Variants in RHBDF2 observed in about 807,000 individuals in gnomAD.
RHBDF2 encodes the protein rhomboid 5 homolog 2.
Under a neutral mutation model 95.2 loss-of-function variants are expected in RHBDF2, and 38 were observed. That is an observed-to-expected ratio of 0.40 (90% CI 0.31 to 0.52). RHBDF2 has a LOEUF of 0.52. Among genes scored for constraint, RHBDF2 ranks in the 20% least tolerant of loss-of-function variants. The probability of loss-of-function intolerance (pLI) is 0.56; values close to 1 mark genes in which losing one functional copy is unlikely to be tolerated. For missense variants in RHBDF2, 863 were observed against 1,137.7 expected (o/e 0.76, Z 3.47); for synonymous variants, 442 against 462.0 (o/e 0.96, Z 0.55).
At chr17:76,495,288 G>C (rs938460551) in intron 1 of RHBDF2, among the ~76,000 whole-genome samples, 1 of 152,194 alleles carries the variant, frequency 6.6e-6, no homozygotes, top group Non-Finnish European at 1.5e-5. Flanking sequence ...GTGTGACCAG[G>C]CCATTTCCGT....
At chr17:76,472,643 G>A in intron 18 of RHBDF2, 43 bp downstream of exon 18, 1 of 1,612,224 alleles carries the variant, frequency 6.2e-7, no homozygotes, top group African/African-American at 1.3e-5. Context: ...CAGCAGGGCT[G>A]GCCCCCTATG....
At chr17:76,497,109 T>C (rs2074444863) in intron 1 of RHBDF2, among the ~76,000 whole-genome samples, 1 of 152,144 alleles carries the variant, frequency 6.6e-6, no homozygotes, top group Non-Finnish European at 1.5e-5. Flanking sequence ...GGAGACCCAC[T>C]GGGAGAGGGA....
intron 1 of RHBDF2, among the ~76,000 whole-genome samples, chr17:76,491,192 C>T (rs898103241): frequency 1.3e-5 from 2 of 148,750 alleles, no homozygotes; most frequent in Admixed American, 1.3e-4. Flanking sequence ...TCTAGTGGAC[C>T]TCCCCACTAG....
intron 7 of RHBDF2, 25 bp from the exon 8 acceptor site, chr17:76,477,323 A>T: frequency 6.2e-7 from 1 of 1,607,330 alleles, no homozygotes; most frequent in Non-Finnish European, 8.5e-7. Context: ...AAGAAAATAC[A>T]GTGTAAGGAG....
At position 76,474,359 on chromosome 17, in the gene RHBDF2, G is replaced by C. The variant is rs748556461; in HGVS notation, c.1464+14C>G. ...CAGGGTCTGGCAGGGGTAGGAGGGAGGGCCTGCCCCCACCGAGCAGTCCTT... is the reference window on the plus strand; with the variant it reads ...CAGGGTCTGGCAGGGGTAGGAGGGACGGCCTGCCCCCACCGAGCAGTCCTT... On this transcript the variant is annotated intron_variant, in intron 12 of 18. Coordinates refer to ENST00000675367, the MANE Select transcript of RHBDF2 (RefSeq NM_001005498.4). The C allele has an allele frequency of 2.7e-5, 44 of 1,608,258 alleles. No homozygotes were observed. The highest frequency in any genetic ancestry group is 1.1e-5 in the South Asian group (1 of 90,992).
intron 2 of RHBDF2, among the ~76,000 whole-genome samples, chr17:76,483,381 G>C (rs977561879): frequency 2.6e-5 from 4 of 151,996 alleles, no homozygotes; most frequent in African/African-American, 7.2e-5. Context: ...CACCTCCCAG[G>C]TTCAAGTGAT....
Position 76,471,917 on chromosome 17 carries a change from C to T in RHBDF2, c.2200G>A (p.Gly734Ser). ...ATGTTGTCGATCCAGGGCAGGAGGCCACAGATGAACAGGAAGAGCACGATG... is the reference window on the plus strand; with the variant it reads ...ATGTTGTCGATCCAGGGCAGGAGGCTACAGATGAACAGGAAGAGCACGATG... ...SAIVLFLFIC[G>S]LLPWIDNIAH... Residue 734 changes from glycine to serine, a missense_variant, in exon 19 of 19, where the codon GGC (glycine) becomes AGC (serine). Transcript: ENST00000675367. The T allele has an allele frequency of 6.3e-7, 1 of 1,575,522 alleles. No homozygotes were observed. The highest frequency in any genetic ancestry group is 8.6e-7 in the Non-Finnish European group (1 of 1,160,306).
chr17:76,472,480 G>A lies in RHBDF2; in HGVS notation c.2064+206C>T, dbSNP rs779798810. On this transcript the variant is annotated intron_variant, in intron 18 of 18. Transcript: ENST00000675367. ...TTAGGAAGATAAATGAGGCGGTGGA[G>A]GGACAGGGTGACTCAAGAGCATCAC... 2.1e-5 allele frequency: 14 copies of A among 681,224 alleles called. 1 individual carries two copies. The South Asian group carries it at 2.3e-4, about 11-fold the overall frequency. The allele number at this position is 681,224 out of a possible 1,614,324, so 42.2% of individuals were successfully genotyped here.
chr17:76,480,096 TTTTGG>T (rs1256221097), intron 3 of RHBDF2, among the ~76,000 whole-genome samples: 2 of 71,386 alleles, frequency 2.8e-5, no homozygotes, highest in African/African-American at 6.0e-5. Context: ...TTTTTTTTTT[TTTTGG>T]AGATGGAATC....
chr17:76,474,604 C>G (rs1216774206), intron 11 of RHBDF2, 70 bp from the exon 12 acceptor site: 3 of 1,609,986 alleles, frequency 1.9e-6, no homozygotes, highest in African/African-American at 2.7e-5. Flanking sequence ...ATCACTCCAC[C>G]TCTGCCCCGC....
Position 76,478,868 on chromosome 17 carries a change from G to A in RHBDF2, c.610C>T (p.Pro204Ser), listed in dbSNP as rs1316871500. The change falls in exon 6 of 19, where the codon CCA (proline) becomes TCA (serine). Residue 204 changes from proline to serine, a missense_variant. By Grantham distance (74) the Pro-to-Ser change is moderately conservative (BLOSUM62 -1). Coordinates refer to ENST00000675367, the MANE Select transcript of RHBDF2 (RefSeq NM_001005498.4). ...TSVRSGYSHLPRRKRMSVAHM... is the reference protein window; with the variant it reads ...TSVRSGYSHLSRRKRMSVAHM... Reference sequence around the variant, plus strand: ...GCCACAGACATTCTCTTGCGGCGTGGCAGGTGGGAGTAGCCAGAACGGACA... The same window carrying A: ...GCCACAGACATTCTCTTGCGGCGTGACAGGTGGGAGTAGCCAGAACGGACA... The A allele has an allele frequency of 6.2e-7, 1 of 1,613,564 alleles. No homozygotes were observed. Among genetic ancestry groups the A allele is most frequent in the Non-Finnish European group, 8.5e-7 (1 of 1,179,796 alleles).
intron 3 of RHBDF2, 152 bp from the exon 4 acceptor site, chr17:76,480,006 A>ATTGTGT (rs1567879591): frequency 8.4e-6 from 5 of 598,228 alleles, no homozygotes; most frequent in South Asian, 4.4e-5. Context: ...ATATATATAT[A>ATTGTGT]ATGTGTGTGT....
intron 3 of RHBDF2, among the ~76,000 whole-genome samples, chr17:76,480,934 C>CT (rs1368627811): frequency 6.6e-5 from 10 of 152,210 alleles, no homozygotes; most frequent in Admixed American, 1.3e-4. Context: ...CTAGACCAGA[C>CT]TGTCAGAAAC....
At chr17:76,495,345 A>G (rs543238894) in intron 1 of RHBDF2, among the ~76,000 whole-genome samples, 2 of 152,328 alleles carry the variant, frequency 1.3e-5, no homozygotes, top group South Asian at 2.1e-4. Flanking sequence ...CTGTGCTTAC[A>G]AAGTAGGAGC....
At position 76,478,808 on chromosome 17, in the gene RHBDF2, T is replaced by C; in HGVS notation, c.670A>G (p.Lys224Glu). The C allele has an allele frequency of 6.2e-7, 1 of 1,610,670 alleles. No homozygotes were observed. The highest frequency in any genetic ancestry group is 1.3e-5 in the African/African-American group (1 of 74,840). The part of the protein sequence containing the change: ...MSLQAAAALL[K>E]GRSVLDATGQ... ...CCCTGCAGGAGGGAGCCCCGCACCT[T>C]GAGGAGGGCAGCGGCAGCTTGCAAG... The change falls in exon 6 of 19, where the codon AAG becomes GAG. Residue 224 changes from lysine to glutamate, a missense_variant and splice_region_variant. Coordinates refer to ENST00000675367, the MANE Select transcript of RHBDF2 (RefSeq NM_001005498.4).
intron 1 of RHBDF2, among the ~76,000 whole-genome samples, chr17:76,499,510 C>T (rs1031842561): frequency 2.6e-5 from 4 of 152,212 alleles, no homozygotes; most frequent in African/African-American, 9.7e-5. Flanking sequence ...CAGCTAACAC[C>T]ATGGGCAGGG....
At chr17:76,479,917 T>C (rs1242314609) in intron 3 of RHBDF2, 63 bp from the exon 4 acceptor site, 1 of 1,597,202 alleles carries the variant, frequency 6.3e-7, no homozygotes, top group African/African-American at 1.3e-5. Context: ...GGCTGGCTTT[T>C]CTTTAGCCTC....
At chr17:76,496,953 G>A (rs1275747275) in intron 1 of RHBDF2, among the ~76,000 whole-genome samples, 2 of 151,964 alleles carry the variant, frequency 1.3e-5, no homozygotes, top group African/African-American at 4.8e-5. Flanking sequence ...TAGTAGAGAC[G>A]GGGTTTCACC....
Position 76,474,798 on chromosome 17 carries a change from G to T in RHBDF2, c.1234C>A (p.Arg412=). Residue 412 remains arginine (R), a synonymous_variant, in exon 11 of 19, where the codon CGG becomes AGG. Coordinates refer to ENST00000675367, the MANE Select transcript of RHBDF2 (RefSeq NM_001005498.4). The part of the protein sequence containing the change: ...AQHVTTQLVL[R]NKGVYESVKY... ...ACGCTCTCGTACACACCTTTGTTCC[G>T]CAGCACCTATCGTGGAGGTAGCACA... is the stretch of plus-strand genomic sequence containing the variant. 1 of 1,613,920 alleles carries T rather than the reference G, an allele frequency of 6.2e-7. No homozygotes were observed. Among genetic ancestry groups the T allele is most frequent in the South Asian group, 1.1e-5 (1 of 91,068 alleles).
Sources: gnomAD v4.1 joint callset for allele counts (sites outside exome capture counted in the v4.1 genomes callset) on GRCh38, gnomAD v4.1.1 for gene constraint, MANE v1.5 for transcripts, NCBI Gene and HGNC (gene_info 2026-07-23, HGNC 2026-07-21) for gene names.